Variants in BBS9 observed in about 807,000 individuals in gnomAD.
BBS9 encodes the protein Bardet-Biedl syndrome 9.
Under a neutral mutation model 117.7 loss-of-function variants are expected in BBS9, and 89 were observed. That is an observed-to-expected ratio of 0.76 (90% CI 0.64 to 0.90). The LOEUF (loss-of-function observed/expected upper bound fraction) is 0.90, where lower values mean the gene tolerates loss of function less well. Ranked by LOEUF, BBS9 falls within the 40% of genes least tolerant of loss-of-function variation. The pLI is 0.00. For synonymous variants in BBS9, 379 were observed against 370.9 expected (o/e 1.02, Z -0.25); for missense variants, 982 against 1,042.2 (o/e 0.94, Z 0.80).
At chr7:33,159,706 T>A (rs1794577562) in intron 4 of BBS9, among the ~76,000 whole-genome samples, 1 of 152,214 alleles carries the variant, frequency 6.6e-6, no homozygotes, top group Non-Finnish European at 1.5e-5. Context: ...TACAGTGCCC[T>A]CATGGTCACA....
rs1020390689 is a variant in BBS9 at position 33,202,617 on chromosome 7, A to C, written c.442+25026A>C. Among the ~76,000 whole-genome samples the C allele has an allele frequency of 7.2e-5, 11 of 152,310 alleles. No homozygotes were observed. In the South Asian group the frequency reaches 2.1e-3, roughly 29 times the overall value. ...TGAAGGGGAAGCAGGCACGTCTTAC[A>C]TGGTTGGATAAGGAGGATGAGAGAG... On this transcript the variant is annotated intron_variant, in intron 5 of 22. Transcript: ENST00000242067.
chr7:33,508,680 GA>G (rs1846484947), intron 20 of BBS9, among the ~76,000 whole-genome samples: 1 of 152,200 alleles, frequency 6.6e-6, no homozygotes, highest in Non-Finnish European at 1.5e-5. Context: ...AAAATTTCAA[GA>G]TGGTGACAAC....
At chr7:33,426,697 T>A (rs1404145679) in intron 19 of BBS9, among the ~76,000 whole-genome samples, 1 of 151,866 alleles carries the variant, frequency 6.6e-6, no homozygotes, top group African/African-American at 2.4e-5. Context: ...TTTAAAAAAC[T>A]ATGTTTACTA....
chr7:33,273,786 C>G lies in BBS9; in HGVS notation c.887-41C>G, dbSNP rs181092958. ...AAAAGAGATATACTTTTCCAAATGA[C>G]TGTTTTCTTAGTGTCTCTTTTCTGT... On this transcript the variant is annotated intron_variant, in intron 8 of 22. Transcript: ENST00000242067. 2,515 of 1,582,308 alleles carry G rather than the reference C, an allele frequency of 1.6e-3. 6 individuals are homozygous for G. Among genetic ancestry groups the G allele is most frequent in the Non-Finnish European group, 1.9e-3 (2,165 of 1,154,666 alleles).
chr7:33,441,242 T>G (rs1836124149), intron 19 of BBS9, among the ~76,000 whole-genome samples: 1 of 151,040 alleles, frequency 6.6e-6, no homozygotes, highest in African/African-American at 2.4e-5. Context: ...TTTGTGTGTA[T>G]GAGCTGGGTT....
chr7:33,341,818 T>C (rs527860815), intron 11 of BBS9, among the ~76,000 whole-genome samples: 18 of 152,280 alleles, frequency 1.2e-4, no homozygotes, highest in African/African-American at 4.1e-4. Context: ...TATTCTTGAT[T>C]ATATTACTTC....
chr7:33,195,472 T>C (rs4723274), intron 5 of BBS9, among the ~76,000 whole-genome samples: 98,397 of 151,852 alleles, frequency 0.65, 31,949 homozygotes, highest in Admixed American at 0.68. Flanking sequence ...CCTCCTGGGT[T>C]CACCCTTAGT....
intron 5 of BBS9, among the ~76,000 whole-genome samples, chr7:33,211,259 T>G (rs558939972): frequency 6.6e-6 from 1 of 152,326 alleles, no homozygotes; most frequent in African/African-American, 2.4e-5. Flanking sequence ...CCTGTCTTCC[T>G]TTTAATGAAG....
intron 20 of BBS9, among the ~76,000 whole-genome samples, chr7:33,514,980 A>G (rs774056118): frequency 3.9e-5 from 6 of 152,164 alleles, no homozygotes; most frequent in Non-Finnish European, 5.9e-5. Context: ...GTAAGGACTA[A>G]TTGAGATAAA....
intron 19 of BBS9, among the ~76,000 whole-genome samples, chr7:33,428,768 A>G (rs7777332): frequency 0.34 from 51,232 of 151,972 alleles, 9,731 homozygotes; most frequent in African/African-American, 0.51. Context: ...TATAATAACT[A>G]TGATAGTTTT....
chr7:33,566,811 G>A (rs1856998731), intron 21 of BBS9, among the ~76,000 whole-genome samples: 1 of 152,060 alleles, frequency 6.6e-6, no homozygotes, highest in Non-Finnish European at 1.5e-5. Context: ...TTTCATTGAA[G>A]AAGAATGTAC....
chr7:33,151,329 A>G (rs979230877), intron 2 of BBS9, among the ~76,000 whole-genome samples: 12 of 152,050 alleles, frequency 7.9e-5, no homozygotes, highest in Middle Eastern at 3.4e-3. Flanking sequence ...TCTAGTGCTC[A>G]TTTCTATATC....
At chr7:33,182,233 CTCTT>C (rs1369350170) in intron 5 of BBS9, among the ~76,000 whole-genome samples, 6 of 152,200 alleles carry the variant, frequency 3.9e-5, no homozygotes, top group Non-Finnish European at 8.8e-5. Context: ...GCATATAAAA[CTCTT>C]TCTCTAGTAG....
At position 33,363,760 on chromosome 7, in the gene BBS9, A is replaced by T. The variant is rs115060488; in HGVS notation, c.1694-4007A>T. Among the ~76,000 whole-genome samples, 1,376 of 150,114 alleles carry T rather than the reference A, an allele frequency of 9.2e-3. 22 individuals are homozygous for T. Among genetic ancestry groups the T allele is most frequent in the African/African-American group, 0.032 (1,316 of 40,792 alleles). ...TCGCTGAGACTGTAATCAGGAATGG[A>T]TATTGGATTTTTTCAAGACTACTTC... On this transcript the variant is annotated intron_variant, in intron 16 of 22. Coordinates refer to ENST00000242067, the MANE Select transcript of BBS9 (RefSeq NM_198428.3).
chr7:33,169,833 A>C (rs1317887944), intron 4 of BBS9, among the ~76,000 whole-genome samples: 1 of 150,750 alleles, frequency 6.6e-6, no homozygotes, highest in Non-Finnish European at 1.5e-5. Flanking sequence ...CCATTTGTCA[A>C]TTTTGTCTTT....
At chr7:33,332,591 C>G (rs530022760) in intron 9 of BBS9, among the ~76,000 whole-genome samples, 1 of 152,152 alleles carries the variant, frequency 6.6e-6, no homozygotes, top group African/African-American at 2.4e-5. Flanking sequence ...GCAGGAGAAT[C>G]GCTTGAACCC....
chr7:33,409,678 G>A (rs73314906), intron 19 of BBS9, among the ~76,000 whole-genome samples: 13,359 of 152,102 alleles, frequency 0.088, 627 homozygotes, highest in South Asian at 0.17. Flanking sequence ...ATTGTTGTCT[G>A]TTTATTTTTT....
intron 21 of BBS9, among the ~76,000 whole-genome samples, chr7:33,572,398 A>G (rs1262523665): frequency 5.3e-5 from 8 of 152,174 alleles, no homozygotes; most frequent in African/African-American, 1.9e-4. Context: ...TGCTGCAATA[A>G]ACATGGGAAT....
intron 21 of BBS9, among the ~76,000 whole-genome samples, chr7:33,634,698 C>T (rs1277216538): frequency 1.3e-5 from 2 of 152,196 alleles, no homozygotes; most frequent in Non-Finnish European, 2.9e-5. Context: ...CCACAAAGCC[C>T]TGCTGGGGAG....
Sources: allele counts gnomAD v4.1 joint callset (sites outside exome capture counted in the v4.1 genomes callset), GRCh38; gene constraint gnomAD v4.1.1; transcripts MANE v1.5; gene names NCBI Gene and HGNC (gene_info 2026-07-23, HGNC 2026-07-21).